KYNU: variants seen among roughly 807,000 people sequenced by gnomAD.
The protein encoded by KYNU is kynureninase, also known as L-kynurenine hydrolase.
KYNU carries 54 observed loss-of-function variants against 59.2 expected under a neutral mutation model. The observed-to-expected ratio is 0.91, with a 90% CI of 0.73 to 1.14. KYNU has a LOEUF of 1.14. Ranked by LOEUF, KYNU falls within the 50% of genes most tolerant of loss-of-function variation. The pLI is 0.00. For missense variants in KYNU, 567 were observed against 554.4 expected (o/e 1.02, Z -0.23); for synonymous variants, 177 against 192.0 (o/e 0.92, Z 0.65).
intron 4 of KYNU, among the ~76,000 whole-genome samples, chr2:142,936,958 A>G (rs1683411081): frequency 6.6e-6 from 1 of 152,200 alleles, no homozygotes; most frequent in South Asian, 2.1e-4. Flanking sequence ...GTGGAGCAAC[A>G]TGCTGTTTTA....
At chr2:142,880,788 C>A (rs1681268745) in intron 1 of KYNU, among the ~76,000 whole-genome samples, 2 of 152,164 alleles carry the variant, frequency 1.3e-5, no homozygotes, top group African/African-American at 4.8e-5. Context: ...TATGACCAGG[C>A]AATTGATAAT....
rs1684719101 is a variant in KYNU at position 142,971,410 on chromosome 2, C to T, written c.729+10640C>T. ...CAGGCCCAACTCGTACATTGCTTGA[C>T]TGACTCTTGTAGAAACCTGCAAATG... is the stretch of plus-strand genomic sequence containing the variant. On this transcript the variant is annotated intron_variant, in intron 8 of 13. Coordinates refer to ENST00000264170, the MANE Select transcript of KYNU (RefSeq NM_003937.3). 3 of 152,216 alleles carry T rather than the reference C, an allele frequency of 2.0e-5. No individual in the cohort carries two copies. The South Asian group carries it at 6.2e-4, about 32-fold the overall frequency. The allele number at this position is 152,216 out of a possible 1,614,324, so 9.4% of individuals were successfully genotyped here. A position where few individuals can be genotyped will look rare whatever the true frequency, so the allele number is the denominator to read the frequency against.
rs1687160775 is a variant in KYNU, at chr2:143,046,059, T to C, written c.*3887T>C. ...AATTATATCAAAGTATATAAACATA[T>C]CATGGAAAACATAATCAGCACCATG... is the stretch of plus-strand genomic sequence containing the variant. On this transcript the variant is annotated 3_prime_UTR_variant, in exon 14 of 14. Transcript: ENST00000264170. The C allele has an allele frequency of 6.6e-6, 1 of 152,116 alleles. No individual in the cohort carries two copies. The highest frequency in any genetic ancestry group is 1.5e-5 in the Non-Finnish European group (1 of 68,012). The allele number at this position is 152,116 out of a possible 1,614,324, so 9.4% of individuals were successfully genotyped here.
intron 12 of KYNU, among the ~76,000 whole-genome samples, chr2:143,034,148 T>G (rs191190532): frequency 6.6e-5 from 10 of 151,284 alleles, no homozygotes; most frequent in African/African-American, 2.4e-4. Context: ...AATGTAAATG[T>G]ATAAATATTT....
Position 142,895,237 on chromosome 2 carries a change from G to T in KYNU, c.169+9701G>T, listed in dbSNP as rs371130640. On this transcript the variant is annotated intron_variant, in intron 2 of 13. Transcript: ENST00000264170. ...TTAACACACCTTCTCTCAGTATATAGAACAATTTCATAACCCCCAAAAGAC... is the reference window on the plus strand; with the variant it reads ...TTAACACACCTTCTCTCAGTATATATAACAATTTCATAACCCCCAAAAGAC... Among the ~76,000 whole-genome samples the T allele has an allele frequency of 6.5e-4, 99 of 152,158 alleles. 1 individual carries two copies. In the South Asian group the frequency reaches 0.02, roughly 31 times the overall value.
At chr2:143,018,867 G>A (rs1334529145) in intron 10 of KYNU, among the ~76,000 whole-genome samples, 1 of 151,918 alleles carries the variant, frequency 6.6e-6, no homozygotes, top group Non-Finnish European at 1.5e-5. Context: ...GTATTCCTAG[G>A]TATTTTATTT....
Position 142,957,707 on chromosome 2 carries a change from C to T in KYNU, c.574C>T (p.Pro192Ser). The T allele has an allele frequency of 2.5e-6, 4 of 1,590,574 alleles. No individual in the cohort carries two copies. Among genetic ancestry groups the T allele is most frequent in the Non-Finnish European group, 3.5e-6 (4 of 1,159,114 alleles). Residue 192 changes from proline (P) to serine (S), a missense_variant, in exon 7 of 14, where the codon CCA becomes TCA. Coordinates refer to ENST00000264170, the MANE Select transcript of KYNU (RefSeq NM_003937.3). ...NIEESMRMIK[P>S]REGEETLRIE... is the part of the protein sequence containing the mutation. The stretch of plus-strand genomic sequence containing the variant: ...TGAAGAAAGTATGCGGATGATAAAG[C>T]CAAGAGAGGTATATGAGAAAGAAAG...
In KYNU at chr2:143,054,195, A is replaced by G. The variant is rs1052009346; in HGVS notation, c.*12023A>G. ...ATTTTCTTTTTAAATTTTAGATTCT[A>G]CAATATCTCCAATTCTTCAGTTTAT... On this transcript the variant is annotated 3_prime_UTR_variant, in exon 14 of 14. Transcript: ENST00000264170. 3.3e-5 allele frequency: 5 copies of G among 152,154 alleles called. No individual in the cohort carries two copies. The highest frequency in any genetic ancestry group is 1.2e-4 in the African/African-American group (5 of 41,436). 9.4% of individuals were successfully genotyped at this position (152,154 alleles called of 1,614,324 possible).
rs1311646782 is a variant in KYNU, at chr2:143,007,681, G to A, written c.902+21660G>A. 5.0e-5 allele frequency among the ~76,000 whole-genome samples: 6 copies of A among 119,374 alleles called. 1 individual carries two copies. The highest frequency in any genetic ancestry group is 2.3e-4 in the African/African-American group (6 of 26,398). 78.3% of individuals were successfully genotyped at this position (119,374 alleles called of 152,430 possible). A position where few individuals can be genotyped will look rare whatever the true frequency, so the allele number is the denominator to read the frequency against. ...AGAAAGGTCGGGTTACCGTCAAAGG[G>A]AAGCCCATCAGACTAACAGCGGATC... On this transcript the variant is annotated intron_variant, in intron 10 of 13. Coordinates refer to ENST00000264170, the MANE Select transcript of KYNU (RefSeq NM_003937.3).
intron 10 of KYNU, among the ~76,000 whole-genome samples, chr2:143,024,565 A>C (rs900690204): frequency 1.3e-5 from 2 of 151,970 alleles, no homozygotes; most frequent in Admixed American, 1.3e-4. Context: ...AGGTATTTCT[A>C]TATTAGTCTC....
chr2:142,917,478 A>G (rs1194449899), intron 2 of KYNU, among the ~76,000 whole-genome samples: 1 of 148,282 alleles, frequency 6.7e-6, no homozygotes, highest in Non-Finnish European at 1.5e-5. Flanking sequence ...AAAAAAAAAA[A>G]TTAAATAGAG....
At chr2:142,907,643 A>C (rs917369662) in intron 2 of KYNU, among the ~76,000 whole-genome samples, 1 of 152,092 alleles carries the variant, frequency 6.6e-6, no homozygotes, top group Non-Finnish European at 1.5e-5. Context: ...GGGGGTTGCC[A>C]CTCCCTGCTC....
intron 11 of KYNU, among the ~76,000 whole-genome samples, chr2:143,031,989 TG>T (rs1168561314): frequency 2.0e-5 from 3 of 151,776 alleles, no homozygotes; most frequent in African/African-American, 7.3e-5. Flanking sequence ...TAAAAACTGC[TG>T]TTTTTGGCCG....
rs1434255062 is a variant in KYNU, at chr2:143,050,002, C to G, written c.*7830C>G. On this transcript the variant is annotated 3_prime_UTR_variant, in exon 14 of 14. Coordinates refer to ENST00000264170, the MANE Select transcript of KYNU (RefSeq NM_003937.3). ...TTCCAATCACATAAGTAGGATTTAC[C>G]TGAATATATATATAATATATAAACA... The G allele has an allele frequency of 6.8e-6, 1 of 147,220 alleles. No homozygotes were observed. The highest frequency in any genetic ancestry group is 2.5e-5 in the African/African-American group (1 of 40,390). 9.1% of individuals were successfully genotyped at this position (147,220 alleles called of 1,614,324 possible).
intron 12 of KYNU, among the ~76,000 whole-genome samples, chr2:143,034,844 A>T (rs1254748244): frequency 6.6e-6 from 1 of 152,238 alleles, no homozygotes; most frequent in East Asian, 1.9e-4. Flanking sequence ...GCACCAGGAC[A>T]TACCTTAGGA....
intron 10 of KYNU, among the ~76,000 whole-genome samples, chr2:143,015,920 A>G (rs1686233275): frequency 6.6e-6 from 1 of 152,196 alleles, no homozygotes; most frequent in Admixed American, 6.5e-5. Context: ...GCTCAAGTTC[A>G]GTTTGGAGTA....
chr2:142,968,433 G>C (rs919649499), intron 8 of KYNU, among the ~76,000 whole-genome samples: 1 of 152,106 alleles, frequency 6.6e-6, no homozygotes, highest in African/African-American at 2.4e-5. Flanking sequence ...ACTAAAGAAG[G>C]TCCCACTAAG....
In KYNU at chr2:143,046,405, A is replaced by G. The variant is rs1053020750; in HGVS notation, c.*4233A>G. 2 of 152,142 alleles carry G rather than the reference A, an allele frequency of 1.3e-5. No individual in the cohort carries two copies. Among genetic ancestry groups the G allele is most frequent in the African/African-American group, 4.8e-5 (2 of 41,440 alleles). 9.4% of individuals were successfully genotyped at this position (152,142 alleles called of 1,614,324 possible). A position where few individuals can be genotyped will look rare whatever the true frequency, so the allele number is the denominator to read the frequency against. On this transcript the variant is annotated 3_prime_UTR_variant, in exon 14 of 14. Coordinates refer to ENST00000264170, the MANE Select transcript of KYNU (RefSeq NM_003937.3). ...GTATTACAAATTTTACATTTGTTTT[A>G]GGGAAGAGTCATAAACCATCTTTAA...
intron 2 of KYNU, among the ~76,000 whole-genome samples, chr2:142,907,558 G>C (rs377202583): frequency 1.3e-5 from 2 of 152,156 alleles, no homozygotes; most frequent in African/African-American, 4.8e-5. Context: ...TAACAAATAC[G>C]GACAAGAAGA....
Sources: gnomAD v4.1 joint callset for allele counts (sites outside exome capture counted in the v4.1 genomes callset) on GRCh38, gnomAD v4.1.1 for gene constraint, MANE v1.5 for transcripts, NCBI Gene and HGNC (gene_info 2026-07-23, HGNC 2026-07-21) for gene names.